Variants in TCF7L1 observed in about 807,000 individuals in gnomAD.
TCF7L1 encodes transcription factor 7 like 1.
Under a neutral mutation model 63.7 loss-of-function variants are expected in TCF7L1, and 18 were observed. The ratio of observed to expected loss-of-function variants is 0.28; its 90% CI spans 0.20 to 0.42. TCF7L1 has a LOEUF of 0.42. TCF7L1 is among the 10% of genes least tolerant of loss of function. The pLI, the probability that TCF7L1 is intolerant of heterozygous loss-of-function variation, is 1.00. For synonymous variants in TCF7L1, 355 were observed against 340.9 expected (o/e 1.04, Z -0.46); for missense variants, 654 against 779.3 (o/e 0.84, Z 1.91).
intron 3 of TCF7L1, among the ~76,000 whole-genome samples, chr2:85,232,757 A>G (rs1347039): frequency 0.21 from 32,201 of 152,066 alleles, 7,778 homozygotes; most frequent in African/African-American, 0.6. Flanking sequence ...TGTCATTAGA[A>G]TGTTTATACT....
chr2:85,281,258 C>T (rs1247973468), intron 3 of TCF7L1, among the ~76,000 whole-genome samples: 4 of 152,080 alleles, frequency 2.6e-5, no homozygotes, highest in Non-Finnish European at 4.4e-5. Context: ...CTCTTGACCT[C>T]GAATGATTTG....
intron 4 of TCF7L1, among the ~76,000 whole-genome samples, chr2:85,300,244 C>T (rs1022824960): frequency 2.6e-5 from 4 of 151,940 alleles, no homozygotes; most frequent in Non-Finnish European, 5.9e-5. Flanking sequence ...TGTATTTTCA[C>T]GCTGGTAATA....
At chr2:85,234,506 A>C (rs895569227) in intron 3 of TCF7L1, among the ~76,000 whole-genome samples, 3 of 152,166 alleles carry the variant, frequency 2.0e-5, no homozygotes, top group Non-Finnish European at 2.9e-5. Context: ...ATGGTACTGC[A>C]TCTTTTGAAG....
In TCF7L1 at chr2:85,133,953, A is replaced by AC; in HGVS notation, c.249+25dup. 6.4e-7 allele frequency: 1 copy of AC among 1,556,608 alleles called. No individual in the cohort carries two copies. The highest frequency in any genetic ancestry group is 1.2e-5 in the South Asian group (1 of 84,218). On this transcript the variant is annotated intron_variant, in intron 1 of 11. Coordinates refer to ENST00000282111, the MANE Select transcript of TCF7L1 (RefSeq NM_031283.3). This position sits in a 1 kb window ranked among gnomAD's most constrained non-coding sequence, Gnocchi z 4.4. ...TCGGAGGTAAGGAAGCACCGCGGCC[A>AC]CCCCCGGGGGATCCCGGCCCTGCGT...
At chr2:85,303,515 A>C in intron 5 of TCF7L1, 3 of 175,512 alleles carry the variant, frequency 1.7e-5, no homozygotes, top group African/African-American at 4.7e-5. Context: ...TGGAGGAGGA[A>C]TCCAAAGTTT....
At chr2:85,182,025 C>T (rs1678814730) in intron 3 of TCF7L1, among the ~76,000 whole-genome samples, 1 of 152,108 alleles carries the variant, frequency 6.6e-6, no homozygotes. Context: ...AGTCTCAGAT[C>T]CTGCCAAAGG....
At chr2:85,224,219 T>C (rs1018136615) in intron 3 of TCF7L1, among the ~76,000 whole-genome samples, 4 of 152,258 alleles carry the variant, frequency 2.6e-5, no homozygotes, top group African/African-American at 9.6e-5. Flanking sequence ...TCCAAGTCTT[T>C]GCTATTGTGA....
chr2:85,305,581 T>C (rs1350921825), intron 8 of TCF7L1, among the ~76,000 whole-genome samples, 178 bp downstream of exon 8: 4 of 152,142 alleles, frequency 2.6e-5, no homozygotes, highest in African/African-American at 9.7e-5. Flanking sequence ...ACCTTCTGGG[T>C]CCCTGTCCTT....
At chr2:85,168,796 A>AT (rs375682679) in intron 3 of TCF7L1, among the ~76,000 whole-genome samples, 85 of 152,102 alleles carry the variant, frequency 5.6e-4, no homozygotes, top group African/African-American at 2.0e-3. Flanking sequence ...TAATTTTTGT[A>AT]TTTTAGTAGA....
intron 4 of TCF7L1, among the ~76,000 whole-genome samples, chr2:85,288,277 C>A (rs1288857166): frequency 6.6e-6 from 1 of 152,092 alleles, no homozygotes; most frequent in Admixed American, 6.6e-5. Flanking sequence ...GTCTGGGGTG[C>A]GGCTGGTATC....
chr2:85,253,065 A>G (rs962465726), intron 3 of TCF7L1, among the ~76,000 whole-genome samples: 2 of 152,192 alleles, frequency 1.3e-5, no homozygotes, highest in Non-Finnish European at 2.9e-5. Context: ...TTCTGTAAAA[A>G]TGAGGTAGGA....
chr2:85,214,389 C>T (rs1353056343), intron 3 of TCF7L1, among the ~76,000 whole-genome samples: 1 of 152,190 alleles, frequency 6.6e-6, no homozygotes, highest in Non-Finnish European at 1.5e-5. Context: ...GAATTGTCTC[C>T]CAAAGCCAGT....
In TCF7L1 at chr2:85,174,296, A is replaced by C. The variant is rs554162249; in HGVS notation, c.441+39846A>C. 4.6e-5 allele frequency among the ~76,000 whole-genome samples: 7 copies of C among 152,222 alleles called. No individual in the cohort carries two copies. In the East Asian group the frequency reaches 1.4e-3, roughly 29 times the overall value. The stretch of plus-strand genomic sequence containing the variant: ...GGTGTTTTCAAGGTTCCTCTGTGTC[A>C]TGGTGTGTATCAGCACTTCCTCCGT... On this transcript the variant is annotated intron_variant, in intron 3 of 11. Transcript: ENST00000282111.
chr2:85,182,171 T>G (rs1346626772), intron 3 of TCF7L1, among the ~76,000 whole-genome samples: 1 of 152,128 alleles, frequency 6.6e-6, no homozygotes, highest in Admixed American at 6.5e-5. Context: ...AAAACTGAGC[T>G]TGTTCGTCAG....
intron 3 of TCF7L1, among the ~76,000 whole-genome samples, chr2:85,240,089 T>C (rs1332163219): frequency 2.0e-5 from 3 of 152,144 alleles, no homozygotes; most frequent in African/African-American, 4.8e-5. Context: ...TACTGAGACG[T>C]TGGATGTTCT....
chr2:85,241,939 G>A (rs1439273394), intron 3 of TCF7L1, among the ~76,000 whole-genome samples: 2 of 149,826 alleles, frequency 1.3e-5, no homozygotes, highest in Non-Finnish European at 3.0e-5. Context: ...GTGAGTCCAG[G>A]AATAGTTTGC....
intron 3 of TCF7L1, among the ~76,000 whole-genome samples, chr2:85,281,967 G>A (rs532560348): frequency 2.6e-5 from 4 of 151,370 alleles, no homozygotes; most frequent in Non-Finnish European, 5.9e-5. Flanking sequence ...CATGACCAGA[G>A]TGAGGGATGA....
intron 3 of TCF7L1, among the ~76,000 whole-genome samples, chr2:85,162,809 TG>T (rs1678322553): frequency 6.6e-6 from 1 of 152,178 alleles, no homozygotes; most frequent in Admixed American, 6.5e-5. Context: ...ACCTTTGAGC[TG>T]CTGGCACGGA....
At chr2:85,180,240 T>G (rs117142254) in intron 3 of TCF7L1, among the ~76,000 whole-genome samples, 314 of 151,776 alleles carry the variant, frequency 2.1e-3, no homozygotes, top group East Asian at 6.0e-3. Flanking sequence ...TTTTGTTTTT[T>G]TTTTTGGTAG....
Sources: allele counts gnomAD v4.1 joint callset (sites outside exome capture counted in the v4.1 genomes callset), GRCh38; gene constraint gnomAD v4.1.1; non-coding constraint Gnocchi (gnomAD v3.1); transcripts MANE v1.5; gene names NCBI Gene and HGNC (gene_info 2026-07-23, HGNC 2026-07-21).